The following ZNF536 variants were observed in gnomAD, a reference collection of about 807,000 sequenced individuals.
ZNF536 encodes zinc finger protein 536.
A neutral mutation model predicts 84.5 loss-of-function variants in ZNF536; 13 were observed. The observed-to-expected ratio is 0.15, with a 90% confidence interval of 0.10 to 0.24. The LOEUF (loss-of-function observed/expected upper bound fraction) is 0.24. Among genes scored for constraint, ZNF536 ranks in the 10% least tolerant of loss-of-function variants. The pLI is 1.00. For missense variants in ZNF536, 1,536 were observed against 1,747.5 expected (o/e 0.88, Z 2.16); for synonymous variants, 811 against 742.5 (o/e 1.09, Z -1.50).
chr19:30,465,412 T>A (rs1249588797), intron 2 of ZNF536, among the ~76,000 whole-genome samples: 1 of 152,216 alleles, frequency 6.6e-6, no homozygotes, highest in Non-Finnish European at 1.5e-5. Flanking sequence ...GAGGGCACCT[T>A]GTTCACTCTT....
At chr19:30,611,630 T>C (rs1669841889) in intron 1 of ZNF536, among the ~76,000 whole-genome samples, 1 of 152,096 alleles carries the variant, frequency 6.6e-6, no homozygotes, top group Non-Finnish European at 1.5e-5. Context: ...GCAATCTGGG[T>C]AGGGAAGGTT....
intron 1 of ZNF536, among the ~76,000 whole-genome samples, chr19:30,664,346 ACTGTAATAACC>A (rs2050242632): frequency 6.6e-6 from 1 of 151,384 alleles, no homozygotes; most frequent in South Asian, 2.1e-4. Context: ...AGTTGTGTAA[ACTGTAATAACC>A]CTGACCTTGG....
At chr19:30,573,821 G>T (rs763737019) in intron 1 of ZNF536, among the ~76,000 whole-genome samples, 1 of 152,284 alleles carries the variant, frequency 6.6e-6, no homozygotes, top group Non-Finnish European at 1.5e-5. Flanking sequence ...AGACCTGCCT[G>T]CACCATGAAG....
chr19:30,422,826 T>C (rs12976165), intron 1 of ZNF536, among the ~76,000 whole-genome samples: 16 of 90,710 alleles, frequency 1.8e-4, no homozygotes, highest in South Asian at 4.3e-4. Context: ...TTCATCTGCC[T>C]ATCTACACAT....
At chr19:30,429,536 G>C (rs772060629) in intron 1 of ZNF536, among the ~76,000 whole-genome samples, 1 of 152,120 alleles carries the variant, frequency 6.6e-6, no homozygotes, top group Non-Finnish European at 1.5e-5. Context: ...TCTGCACCAG[G>C]CACTAAGGAG....
intron 1 of ZNF536, among the ~76,000 whole-genome samples, chr19:30,702,462 T>TG (rs1012482129): frequency 2.0e-5 from 3 of 150,576 alleles, no homozygotes; most frequent in Admixed American, 6.6e-5. Context: ...GGCGGGCAGT[T>TG]GGGGGGGCCC....
chr19:30,249,112 G>A (rs1767465395), intron 1 of ZNF536, among the ~76,000 whole-genome samples: 1 of 152,160 alleles, frequency 6.6e-6, no homozygotes, highest in African/African-American at 2.4e-5. Flanking sequence ...GTATTTCATG[G>A]CTTTTGCTTT....
intron 1 of ZNF536, among the ~76,000 whole-genome samples, chr19:30,281,740 G>C (rs1219407526): frequency 1.3e-5 from 2 of 152,190 alleles, no homozygotes; most frequent in African/African-American, 2.4e-5. Flanking sequence ...CACCTGTGGA[G>C]GTTCCCTTAT....
chr19:30,271,770 G>A (rs1049313336), intron 1 of ZNF536, among the ~76,000 whole-genome samples: 6 of 152,298 alleles, frequency 3.9e-5, no homozygotes, highest in South Asian at 2.1e-4. Flanking sequence ...CTTGTGAGGT[G>A]GAAACGGTTG....
At chr19:30,705,311 G>A (rs907858414) in intron 1 of ZNF536, among the ~76,000 whole-genome samples, 2 of 146,854 alleles carry the variant, frequency 1.4e-5, no homozygotes, top group Non-Finnish European at 3.0e-5. Context: ...TCAGAAAGAT[G>A]TGTGTGTGTG....
At chr19:30,511,964 G>T (rs906217659) in intron 2 of ZNF536, among the ~76,000 whole-genome samples, 2 of 152,128 alleles carry the variant, frequency 1.3e-5, no homozygotes, top group Non-Finnish European at 2.9e-5. Context: ...GTCCATAAAG[G>T]GTCCTTGGAG....
chr19:30,514,119 C>T (rs1599649989), intron 2 of ZNF536, among the ~76,000 whole-genome samples: 1 of 152,262 alleles, frequency 6.6e-6, no homozygotes, highest in Middle Eastern at 3.4e-3. Context: ...TGAAGCTGAG[C>T]AGATTGTGCC....
rs140639136 is a variant in ZNF536 at position 30,263,134 on chromosome 19, T to C, written c.-189-20938T>C. Among the ~76,000 whole-genome samples the C allele has an allele frequency of 2.1e-3, 326 of 152,252 alleles. 2 individuals carry two copies. The highest frequency in any genetic ancestry group is 7.4e-3 in the African/African-American group (309 of 41,534). Reference sequence around the variant, plus strand: ...GGAGGGCTGCTTGGTGGGAGCAGCATGGTGCAGCTCCTCTGTGAGACCCCA... The same window carrying C: ...GGAGGGCTGCTTGGTGGGAGCAGCACGGTGCAGCTCCTCTGTGAGACCCCA... On this transcript the variant is annotated intron_variant, in intron 1 of 5. Transcript: ENST00000585628.
chr19:30,570,274 C>A (rs891139990), intron 1 of ZNF536, among the ~76,000 whole-genome samples: 2 of 152,152 alleles, frequency 1.3e-5, no homozygotes, highest in Admixed American at 6.5e-5. Context: ...CACCTTCAGA[C>A]CTCAGGCGTT....
At chr19:30,382,124 C>T (rs975399636) in intron 1 of ZNF536, among the ~76,000 whole-genome samples, 23 of 152,280 alleles carry the variant, frequency 1.5e-4, no homozygotes, top group African/African-American at 5.3e-4. Context: ...GGATTGCTAC[C>T]TCCCCTCCCT....
intron 1 of ZNF536, among the ~76,000 whole-genome samples, chr19:30,373,888 G>A (rs1464820733): frequency 1.3e-5 from 2 of 152,184 alleles, no homozygotes; most frequent in African/African-American, 2.4e-5. Context: ...GGGCCAAGGT[G>A]GGCCTCAGCA....
At chr19:30,624,901 G>A (rs1466914870) in intron 1 of ZNF536, among the ~76,000 whole-genome samples, 1 of 152,126 alleles carries the variant, frequency 6.6e-6, no homozygotes, top group African/African-American at 2.4e-5. Flanking sequence ...TAAGTGTTTG[G>A]CAAGTTCCTC....
chr19:30,433,534 G>A (rs972264313), intron 1 of ZNF536, among the ~76,000 whole-genome samples: 2 of 152,198 alleles, frequency 1.3e-5, no homozygotes, highest in Non-Finnish European at 2.9e-5. Context: ...TTCCGCTCTT[G>A]TTGCCCAGGC....
chr19:30,546,201 T>C (rs546141527), intron 3 of ZNF536, among the ~76,000 whole-genome samples: 1 of 152,370 alleles, frequency 6.6e-6, no homozygotes, highest in East Asian at 1.9e-4. Flanking sequence ...AGTAGCTCAA[T>C]GAGTCTGAGT....
Sources: gnomAD v4.1 joint callset for allele counts (sites outside exome capture counted in the v4.1 genomes callset) on GRCh38, gnomAD v4.1.1 for gene constraint, MANE v1.5 for transcripts, NCBI Gene and HGNC (gene_info 2026-07-23, HGNC 2026-07-21) for gene names.